EPHA3: variants seen among roughly 807,000 people sequenced by gnomAD.
The protein encoded by EPHA3 is EPH receptor A3.
A neutral mutation model predicts 107.1 loss-of-function variants in EPHA3; 42 were observed. The ratio of observed to expected loss-of-function variants is 0.39; its 90% CI spans 0.31 to 0.51. The LOEUF is 0.51. Ranked by LOEUF, EPHA3 falls within the 20% of genes least tolerant of loss-of-function variation. EPHA3 has a pLI of 0.78. For missense variants in EPHA3, 1,183 were observed against 1,211.2 expected, an observed-to-expected ratio of 0.98 and a Z score of 0.35; for synonymous variants, 461 against 424.8, an observed-to-expected ratio of 1.09 and a Z score of -1.05.
chr3:89,336,755 A>G (rs1707400946), intron 3 of EPHA3, among the ~76,000 whole-genome samples: 2 of 152,130 alleles, frequency 1.3e-5, no homozygotes, highest in African/African-American at 4.8e-5. Flanking sequence ...TTAGACATCA[A>G]ATAGATAGCA....
At chr3:89,178,670 A>G (rs1440597261) in intron 2 of EPHA3, among the ~76,000 whole-genome samples, 1 of 151,804 alleles carries the variant, frequency 6.6e-6, no homozygotes, top group Non-Finnish European at 1.5e-5. Context: ...TTAATTCTGA[A>G]TAATATAATG....
intron 1 of EPHA3, among the ~76,000 whole-genome samples, chr3:89,117,019 C>T (rs531422020): frequency 1.3e-5 from 2 of 152,114 alleles, no homozygotes; most frequent in South Asian, 2.1e-4. Context: ...GCTGTCTTCC[C>T]TTTTAAGACA....
At chr3:89,118,355 A>G (rs1707302871) in intron 1 of EPHA3, among the ~76,000 whole-genome samples, 1 of 151,990 alleles carries the variant, frequency 6.6e-6, no homozygotes, top group African/African-American at 2.4e-5. Flanking sequence ...TTGCATAAAG[A>G]AAATTTTTCT....
At position 89,366,340 on chromosome 3, in the gene EPHA3, T is replaced by G. The variant is rs559868917; in HGVS notation, c.1306+24250T>G. Among the ~76,000 whole-genome samples the G allele has an allele frequency of 1.1e-4, 17 of 150,480 alleles. No individual in the cohort carries two copies. The South Asian group carries it at 3.6e-3, about 32-fold the overall frequency. Reference sequence around the variant, plus strand: ...GGGGGAGTTGTAGCTCACTCAAACATGAGAATAATTTAAACACATGTGGAA... The same window carrying G: ...GGGGGAGTTGTAGCTCACTCAAACAGGAGAATAATTTAAACACATGTGGAA... On this transcript the variant is annotated intron_variant, in intron 5 of 16. Transcript: ENST00000336596.
At chr3:89,109,790 T>C (rs1467179747) in intron 1 of EPHA3, among the ~76,000 whole-genome samples, 1 of 152,068 alleles carries the variant, frequency 6.6e-6, no homozygotes, top group East Asian at 1.9e-4. Flanking sequence ...AAAGCTGACA[T>C]AATTGCATTT....
At chr3:89,209,818 C>T in intron 2 of EPHA3, 42 bp from the exon 3 acceptor site, 1 of 1,504,110 alleles carries the variant, frequency 6.6e-7, no homozygotes. Flanking sequence ...TCGTTATTAT[C>T]ATTAATTCTG....
At chr3:89,209,640 A>G (rs1369840283) in intron 2 of EPHA3, among the ~76,000 whole-genome samples, 4 of 152,276 alleles carry the variant, frequency 2.6e-5, no homozygotes, top group South Asian at 2.1e-4. Flanking sequence ...TTTTTCCTGA[A>G]TATTCAACAA....
At chr3:89,459,722 C>T (rs1382498851) in intron 15 of EPHA3, among the ~76,000 whole-genome samples, 7 of 152,078 alleles carry the variant, frequency 4.6e-5, no homozygotes, top group Non-Finnish European at 8.8e-5. Context: ...GGGGTTTCAC[C>T]GTGTTGACCA....
chr3:89,262,963 C>CTT (rs532365863), intron 3 of EPHA3, among the ~76,000 whole-genome samples: 11,304 of 96,894 alleles, frequency 0.12, 1,451 homozygotes, highest in Non-Finnish European at 0.18. Context: ...TTACAGCGCT[C>CTT]TTTTTTTTTT....
chr3:89,323,219 G>A (rs1393692216), intron 3 of EPHA3, among the ~76,000 whole-genome samples: 2 of 152,014 alleles, frequency 1.3e-5, no homozygotes, highest in African/African-American at 2.4e-5. Context: ...ATATAAATGT[G>A]TGTCAATACT....
intron 3 of EPHA3, among the ~76,000 whole-genome samples, chr3:89,331,608 G>C (rs899872971): frequency 5.9e-5 from 9 of 151,962 alleles, no homozygotes; most frequent in African/African-American, 2.2e-4. Context: ...GTACAATATT[G>C]ATCCTTTAGA....
intron 2 of EPHA3, among the ~76,000 whole-genome samples, chr3:89,172,400 A>G (rs762230566): frequency 2.0e-5 from 3 of 152,202 alleles, no homozygotes; most frequent in Non-Finnish European, 4.4e-5. Flanking sequence ...GGTGGTGGCC[A>G]ACTGGCCAGT....
intron 3 of EPHA3, among the ~76,000 whole-genome samples, chr3:89,298,402 C>T (rs1576297101): frequency 6.6e-6 from 1 of 152,264 alleles, no homozygotes; most frequent in East Asian, 1.9e-4. Flanking sequence ...TTCTGTCCTC[C>T]TGTTTCAGCC....
chr3:89,395,746 A>T, intron 5 of EPHA3, 91 bp from the exon 6 acceptor site: 1 of 1,445,176 alleles, frequency 6.9e-7, no homozygotes, highest in South Asian at 1.3e-5. Context: ...CTCCATTTGC[A>T]TGTTCCCTTC....
intron 8 of EPHA3, 26 bp from the exon 9 acceptor site, chr3:89,408,041 G>A (rs1222124529): frequency 8.1e-6 from 13 of 1,609,478 alleles, no homozygotes; most frequent in Non-Finnish European, 1.1e-5. Flanking sequence ...CCTCTTATGT[G>A]TTCGCTTTCC....
chr3:89,107,889 T>A (rs2106933150), intron 1 of EPHA3, 53 bp downstream of exon 1: 1 of 1,550,272 alleles, frequency 6.5e-7, no homozygotes, highest in Non-Finnish European at 8.9e-7. Context: ...CTCACGCTCT[T>A]CAAAGCACGT....
intron 2 of EPHA3, among the ~76,000 whole-genome samples, chr3:89,202,602 C>A (rs1442286861): frequency 6.8e-6 from 1 of 147,848 alleles, no homozygotes; most frequent in Non-Finnish European, 1.5e-5. Context: ...TACACAATTT[C>A]TAATTTAAGC....
In EPHA3 at chr3:89,362,568, G is replaced by C. The variant is rs79550871; in HGVS notation, c.1306+20478G>C. ...GAAAGCTTCATATGACTCCTGTAAT[G>C]AGCAATGCAGAAAGTAATATGGAAA... On this transcript the variant is annotated intron_variant, in intron 5 of 16. Coordinates refer to ENST00000336596, the MANE Select transcript of EPHA3 (RefSeq NM_005233.6). Among the ~76,000 whole-genome samples the C allele has an allele frequency of 7.3e-4, 111 of 151,186 alleles. 5 individuals are homozygous for C. The highest frequency in any genetic ancestry group is 1.5e-3 in the Non-Finnish European group (99 of 67,522).
At chr3:89,323,786 T>C (rs1444657814) in intron 3 of EPHA3, among the ~76,000 whole-genome samples, 1 of 152,102 alleles carries the variant, frequency 6.6e-6, no homozygotes, top group African/African-American at 2.4e-5. Flanking sequence ...TCTCCAGCAA[T>C]ATTTTATTGA....
Sources: allele counts gnomAD v4.1 joint callset (sites outside exome capture counted in the v4.1 genomes callset), GRCh38; gene constraint gnomAD v4.1.1; transcripts MANE v1.5; gene names NCBI Gene and HGNC (gene_info 2026-07-23, HGNC 2026-07-21).